Variants in ZNF462 observed in about 807,000 individuals in gnomAD.
ZNF462 encodes the protein zinc finger PBX1-interacting protein.
ZNF462 carries 10 observed loss-of-function variants against 201.9 expected under a neutral mutation model. That is an observed-to-expected ratio of 0.05 (90% CI 0.03 to 0.08). The LOEUF is 0.08. Ranked by LOEUF, ZNF462 falls within the 10% of genes least tolerant of loss-of-function variation. The pLI is 1.00. For synonymous variants in ZNF462, 1,227 were observed against 1,193.3 expected (o/e 1.03, Z -0.58); for missense variants, 2,523 against 3,168.3 (o/e 0.80, Z 4.89).
intron 10 of ZNF462, among the ~76,000 whole-genome samples, chr9:106,998,339 T>C (rs1417960249): frequency 6.6e-6 from 1 of 152,198 alleles, no homozygotes; most frequent in Non-Finnish European, 1.5e-5. Context: ...AGCAAGCACA[T>C]TCATATCAGT....
intron 10 of ZNF462, among the ~76,000 whole-genome samples, chr9:106,990,708 T>C (rs1828204004): frequency 6.6e-6 from 1 of 152,074 alleles, no homozygotes; most frequent in Non-Finnish European, 1.5e-5. Context: ...GCATGCCTAA[T>C]GATTCTCATG....
At chr9:106,875,723 G>A (rs554843852) in intron 1 of ZNF462, among the ~76,000 whole-genome samples, 1 of 152,298 alleles carries the variant, frequency 6.6e-6, no homozygotes, top group African/African-American at 2.4e-5. Flanking sequence ...AAGTGATACA[G>A]TGTGGGTATG....
In ZNF462 at chr9:106,935,614, T is replaced by C. The variant is rs775232704; in HGVS notation, c.6228T>C (p.Ala2076=). The C allele has an allele frequency of 6.2e-7, 1 of 1,613,472 alleles. No homozygotes were observed. Among genetic ancestry groups the C allele is most frequent in the East Asian group, 2.2e-5 (1 of 44,862 alleles). The part of the protein sequence containing the change: ...NSRLKTHILK[A]HAGEHAYKCS... ...GGCTGAAAACACATATACTCAAAGC[T>C]CATGCTGGTGAGTTGTGCATTGATG... The change falls in exon 6 of 13, where the codon GCT becomes GCC. Residue 2076 remains alanine (A), a synonymous_variant. Coordinates refer to ENST00000277225, the MANE Select transcript of ZNF462 (RefSeq NM_021224.6). The surrounding 1 kb of genome is among the most constrained non-coding windows in gnomAD (Gnocchi z 4.1).
Position 106,928,186 on chromosome 9 carries a change from G to T in ZNF462, c.4274G>T (p.Gly1425Val). 1 of 1,614,076 alleles carries T rather than the reference G, an allele frequency of 6.2e-7. No individual in the cohort carries two copies. The highest frequency in any genetic ancestry group is 1.3e-5 in the African/African-American group (1 of 74,976). The change falls in exon 3 of 13, where the codon GGC (glycine) becomes GTC (valine). Residue 1425 changes from glycine (G) to valine (V), a missense_variant. Around this residue, in one of 15 missense-constraint regions of ZNF462, gnomAD observed 165 missense variants for 142.6 expected, o/e 1.16. Coordinates refer to ENST00000277225, the MANE Select transcript of ZNF462 (RefSeq NM_021224.6). This position sits in a 1 kb window ranked among gnomAD's most constrained non-coding sequence, Gnocchi z 9.3. ...ATTCTTTCATCCGAAGAGTTGGCAGGCCCTGTGAATTGTGAAAACAGTATA... is the reference window on the plus strand; with the variant it reads ...ATTCTTTCATCCGAAGAGTTGGCAGTCCCTGTGAATTGTGAAAACAGTATA... Reference protein sequence around the residue: ...KPILSSEELAGPVNCENSIPT... With the variant: ...KPILSSEELAVPVNCENSIPT...
rs1212350929 is a variant in ZNF462, at chr9:106,962,850, A to G, written c.6428-9155A>G. 1.3e-5 allele frequency among the ~76,000 whole-genome samples: 2 copies of G among 151,958 alleles called. No homozygotes were observed. Among genetic ancestry groups the G allele is most frequent in the Non-Finnish European group, 2.9e-5 (2 of 67,944 alleles). ...TCCAGCATCCATTGTCCCCCTGGCC[A>G]TTGTATCATAATCTTGTGCGTCCAG... is the stretch of plus-strand genomic sequence containing the variant. On this transcript the variant is annotated intron_variant, in intron 7 of 12. Transcript: ENST00000277225. The surrounding 1 kb of genome is among the most constrained non-coding windows in gnomAD (Gnocchi z 4.6).
chr9:106,987,744 G>T lies in ZNF462; in HGVS notation c.7056+3335G>T, dbSNP rs926587976. Among the ~76,000 whole-genome samples the T allele has an allele frequency of 1.3e-5, 2 of 152,134 alleles. 1 individual carries two copies. Among genetic ancestry groups the T allele is most frequent in the South Asian group, 4.1e-4 (2 of 4,828 alleles). On this transcript the variant is annotated intron_variant, in intron 10 of 12. Coordinates refer to ENST00000277225, the MANE Select transcript of ZNF462 (RefSeq NM_021224.6). ...GGTCATGAAGTCCTTGCCTAAGCCA[G>T]TGTCTAGAAGGGTTTTTCCAATGTT...
rs767678463 is a variant in ZNF462 at position 106,984,458 on chromosome 9, G to A, written c.7056+49G>A. ...CCGCCTCAGCACACTTGTGGGGAGG[G>A]GCCAAGGGGGAGACACCACTGCATT... is the stretch of plus-strand genomic sequence containing the variant. On this transcript the variant is annotated intron_variant, in intron 10 of 12. Coordinates refer to ENST00000277225, the MANE Select transcript of ZNF462 (RefSeq NM_021224.6). The surrounding 1 kb of genome is among the most constrained non-coding windows in gnomAD (Gnocchi z 6.4). 6.8e-7 allele frequency: 1 copy of A among 1,468,698 alleles called. No individual in the cohort carries two copies. The highest frequency in any genetic ancestry group is 9.3e-7 in the Non-Finnish European group (1 of 1,071,742). The allele number at this position is 1,468,698 out of a possible 1,614,324, so 91.0% of individuals were successfully genotyped here.
In ZNF462 at chr9:106,917,899, CAG is replaced by C. The variant is rs1344634376; in HGVS notation, c.-30-5452_-30-5451del. 1.4e-5 allele frequency among the ~76,000 whole-genome samples: 2 copies of C among 146,364 alleles called. No individual in the cohort carries two copies. The highest frequency in any genetic ancestry group is 2.5e-5 in the African/African-American group (1 of 39,584). ...ATTTATTTATTTATTTATTTTGTGA[CAG>C]AGTCTCACTCTGCCACCCAGGCTGG... is the stretch of plus-strand genomic sequence containing the variant. On this transcript the variant is annotated intron_variant, in intron 1 of 12. Coordinates refer to ENST00000277225, the MANE Select transcript of ZNF462 (RefSeq NM_021224.6). The surrounding 1 kb of genome is among the most constrained non-coding windows in gnomAD (Gnocchi z 4.5).
Position 106,932,249 on chromosome 9 carries a change from T to G in ZNF462, c.6013-197T>G. ...TTTGTTGGTGGGGCATGTGTGTGTG[T>G]GTGGTTCTCTTAGCAGGAGGCGGAT... On this transcript the variant is annotated intron_variant, in intron 4 of 12. Transcript: ENST00000277225. This position sits in a 1 kb window ranked among gnomAD's most constrained non-coding sequence, Gnocchi z 6.8. The G allele has an allele frequency of 6.5e-7, 1 of 1,550,374 alleles. No individual in the cohort carries two copies. Among genetic ancestry groups the G allele is most frequent in the Non-Finnish European group, 8.7e-7 (1 of 1,147,004 alleles).
chr9:106,877,296 A>ATTTTTTTT (rs397893311), intron 1 of ZNF462, among the ~76,000 whole-genome samples: 1 of 91,218 alleles, frequency 1.1e-5, no homozygotes, highest in African/African-American at 4.4e-5. Flanking sequence ...ACTACTCATG[A>ATTTTTTTT]TTTTTTTTTT....
intron 1 of ZNF462, among the ~76,000 whole-genome samples, chr9:106,884,078 A>C (rs749417286): frequency 6.6e-6 from 1 of 152,374 alleles, no homozygotes; most frequent in African/African-American, 2.4e-5. Flanking sequence ...GGTATGCAGC[A>C]GTGATTCCTA....
rs1829373236 is a variant in ZNF462, at chr9:107,003,944, G to A, written c.7189+518G>A. 6.6e-6 allele frequency among the ~76,000 whole-genome samples: 1 copy of A among 152,134 alleles called. No individual in the cohort carries two copies. Among genetic ancestry groups the A allele is most frequent in the Non-Finnish European group, 1.5e-5 (1 of 68,032 alleles). On this transcript the variant is annotated intron_variant, in intron 11 of 12. Coordinates refer to ENST00000277225, the MANE Select transcript of ZNF462 (RefSeq NM_021224.6). This position sits in a 1 kb window ranked among gnomAD's most constrained non-coding sequence, Gnocchi z 4.4. Reference sequence around the variant, plus strand: ...TGCTCTGACTTGCTTTGTAAGGAGAGAGAAAGAGAGACCACCTCTTTCATT... The same window carrying A: ...TGCTCTGACTTGCTTTGTAAGGAGAAAGAAAGAGAGACCACCTCTTTCATT...
At chr9:106,979,805 C>T (rs1827285406) in intron 9 of ZNF462, among the ~76,000 whole-genome samples, 1 of 152,114 alleles carries the variant, frequency 6.6e-6, no homozygotes, top group Non-Finnish European at 1.5e-5. Flanking sequence ...AAAAACTGGC[C>T]ACAGATTTTA....
At chr9:106,955,943 C>T (rs1412491256) in intron 7 of ZNF462, among the ~76,000 whole-genome samples, 1 of 152,116 alleles carries the variant, frequency 6.6e-6, no homozygotes, top group African/African-American at 2.4e-5. Context: ...CAGTTACTTC[C>T]TTCACCACAG....
chr9:106,922,759 A>G (rs2131421024), intron 1 of ZNF462, among the ~76,000 whole-genome samples: 1 of 152,330 alleles, frequency 6.6e-6, no homozygotes, highest in African/African-American at 2.4e-5. Context: ...AACTATTTGG[A>G]GAAGGGAGGA....
At chr9:106,997,639 G>A (rs550906976) in intron 10 of ZNF462, among the ~76,000 whole-genome samples, 1 of 152,236 alleles carries the variant, frequency 6.6e-6, no homozygotes, top group East Asian at 1.9e-4. Context: ...CCATCTTGCT[G>A]TAAGAAATCG....
rs535313543 is a variant in ZNF462 at position 106,951,979 on chromosome 9, C to A, written c.6427+12872C>A. 3.3e-4 allele frequency among the ~76,000 whole-genome samples: 50 copies of A among 151,910 alleles called. 1 individual carries two copies. Among genetic ancestry groups the A allele is most frequent in the Non-Finnish European group, 4.4e-4 (30 of 68,002 alleles). Reference sequence around the variant, plus strand: ...ACCAGGAGGGATTGTTTTCACCCAACTGGAGCTAGTGAACATTAGGGGCAA... The same window carrying A: ...ACCAGGAGGGATTGTTTTCACCCAAATGGAGCTAGTGAACATTAGGGGCAA... On this transcript the variant is annotated intron_variant, in intron 7 of 12. Transcript: ENST00000277225.
chr9:106,973,274 C>A (rs1361629146), intron 8 of ZNF462, among the ~76,000 whole-genome samples: 1 of 151,962 alleles, frequency 6.6e-6, no homozygotes, highest in African/African-American at 2.4e-5. Flanking sequence ...ATGCTTCACA[C>A]CGAGAGGCTG....
chr9:106,867,555 G>A (rs76555325), intron 1 of ZNF462, among the ~76,000 whole-genome samples: 6,267 of 149,076 alleles, frequency 0.042, 180 homozygotes, highest in Non-Finnish European at 0.067. Flanking sequence ...ACTCTTTGGA[G>A]TTGGAGACAA....
Sources: gnomAD v4.1 joint callset for allele counts (sites outside exome capture counted in the v4.1 genomes callset) on GRCh38, gnomAD v4.1.1 for gene constraint, gnomAD v4.1.1 regional missense constraint, Gnocchi (gnomAD v3.1) non-coding constraint, MANE v1.5 for transcripts, NCBI Gene and HGNC (gene_info 2026-07-23, HGNC 2026-07-21) for gene names.